The following LRRC34 variants were observed in gnomAD, a reference collection of about 807,000 sequenced individuals.
The protein encoded by LRRC34 is leucine-rich repeat-containing protein 34.
A neutral mutation model predicts 48.5 loss-of-function variants in LRRC34; 44 were observed. The observed-to-expected ratio is 0.91, with a 90% confidence interval of 0.71 to 1.17. The LOEUF (loss-of-function observed/expected upper bound fraction) is 1.17, where lower values mean the gene tolerates loss of function less well. Among genes scored for constraint, LRRC34 ranks in the 50% most tolerant of loss-of-function variants. LRRC34 has a pLI of 0.00. For missense variants in LRRC34, 502 were observed against 563.0 expected, an observed-to-expected ratio of 0.89 and a Z score of 1.10; for synonymous variants, 192 against 197.6, an observed-to-expected ratio of 0.97 and a Z score of 0.24.
intron 7 of LRRC34, among the ~76,000 whole-genome samples, chr3:169,799,784 C>T (rs1198306225): frequency 6.6e-6 from 1 of 152,228 alleles, no homozygotes; most frequent in East Asian, 1.9e-4. Flanking sequence ...GCAATCTCGG[C>T]TCACTGCAAC....
rs750780686 is a variant in LRRC34, at chr3:169,807,481, A to C, written c.389T>G (p.Val130Gly). 4 of 1,614,038 alleles carry C rather than the reference A, an allele frequency of 2.5e-6. No homozygotes were observed. Among genetic ancestry groups the C allele is most frequent in the Middle Eastern group, 1.7e-4 (1 of 6,056 alleles). ...KNCLYINGLDVGYNLLCDVGA... is the reference protein window; with the variant it reads ...KNCLYINGLDGGYNLLCDVGA... ...AACATCACATAGAAGGTTATATCCA[A>C]CATCCAAACCTGAAGCACAGATGAA... is the stretch of plus-strand genomic sequence containing the variant. The change falls in exon 4 of 11, where the codon GTT (valine) becomes GGT (glycine). Residue 130 changes from valine (V) to glycine (G), a missense_variant. Val to Gly is a moderately radical substitution (Grantham distance 109). Coordinates refer to ENST00000446859, the MANE Select transcript of LRRC34 (RefSeq NM_001172779.2).
At chr3:169,810,355 T>G (rs1037780076) in intron 1 of LRRC34, among the ~76,000 whole-genome samples, 1 of 152,252 alleles carries the variant, frequency 6.6e-6, no homozygotes, top group Non-Finnish European at 1.5e-5. Flanking sequence ...TATATGCATA[T>G]TAAGTATTTT....
rs150153057 is a variant in LRRC34 at position 169,812,063 on chromosome 3, A to G, written c.139+347T>C. 6.1e-3 allele frequency among the ~76,000 whole-genome samples: 928 copies of G among 152,174 alleles called. 22 individuals are homozygous for G. The highest frequency in any genetic ancestry group is 0.059 in the East Asian group (301 of 5,122). ...TGACCTGCTCTCTGGGACTTTCACA[A>G]AAAGGGGGCTGAGAAGAGCCCCCCC... On this transcript the variant is annotated intron_variant, in intron 1 of 10. Coordinates refer to ENST00000446859, the MANE Select transcript of LRRC34 (RefSeq NM_001172779.2). This position sits in a 1 kb window ranked among gnomAD's most constrained non-coding sequence, Gnocchi z 4.3.
Position 169,806,942 on chromosome 3 carries a change from AAAG to A in LRRC34, c.445-14_445-12del. 1 of 1,510,432 alleles carries A rather than the reference AAAG, an allele frequency of 6.6e-7. No individual in the cohort carries two copies. Among genetic ancestry groups the A allele is most frequent in the Non-Finnish European group, 9.2e-7 (1 of 1,089,204 alleles). The allele number at this position is 1,510,432 out of a possible 1,614,324, so 93.6% of individuals were successfully genotyped here. On this transcript the variant is annotated splice_polypyrimidine_tract_variant and intron_variant, in intron 4 of 10. Transcript: ENST00000446859. ...GAGATTAAGTTGTTTCTATAAGAGA[AAAG>A]AAGCTATTACACATTATTATTATTG...
chr3:169,796,436 C>T, intron 8 of LRRC34, 67 bp from the exon 9 acceptor site: 1 of 1,508,914 alleles, frequency 6.6e-7, no homozygotes, highest in South Asian at 1.3e-5. Context: ...TGATAAGATG[C>T]TTGAAAACTT....
intron 7 of LRRC34, 55 bp downstream of exon 7, chr3:169,800,604 G>C: frequency 9.2e-7 from 1 of 1,081,388 alleles, no homozygotes; most frequent in Non-Finnish European, 1.3e-6. Flanking sequence ...ACTTGTAGTA[G>C]TACCTTAGTT....
At position 169,795,423 on chromosome 3, in the gene LRRC34, T is replaced by C. The variant is rs1576730888; in HGVS notation, c.1191+62A>G. Reference sequence around the variant, plus strand: ...ATTTCTGAGGCACCTGTAAATAATATCTGATGTTACAGAGATGATCCCAGA... The same window carrying C: ...ATTTCTGAGGCACCTGTAAATAATACCTGATGTTACAGAGATGATCCCAGA... On this transcript the variant is annotated intron_variant, in intron 10 of 10. Transcript: ENST00000446859. 11 of 1,506,534 alleles carry C rather than the reference T, an allele frequency of 7.3e-6. No individual in the cohort carries two copies. The East Asian group carries it at 2.5e-4, about 35-fold the overall frequency. The allele number at this position is 1,506,534 out of a possible 1,614,324, so 93.3% of individuals were successfully genotyped here.
rs1779030239 is a variant in LRRC34 at position 169,797,317 on chromosome 3, G to A, written c.754-418C>T. On this transcript the variant is annotated intron_variant, in intron 7 of 10. Coordinates refer to ENST00000446859, the MANE Select transcript of LRRC34 (RefSeq NM_001172779.2). ...TTTGCTCTTGATCTCTACTCTTGAT[G>A]GTTTTCAGACAAAATACAAAGACAT... is the stretch of plus-strand genomic sequence containing the variant. Among the ~76,000 whole-genome samples, 9 of 152,150 alleles carry A rather than the reference G, an allele frequency of 5.9e-5. No homozygotes were observed. In the South Asian group the frequency reaches 1.9e-3, roughly 32 times the overall value.
chr3:169,793,964 A>T (rs1475269944), intron 10 of LRRC34, 126 bp from the exon 11 acceptor site: 1 of 591,258 alleles, frequency 1.7e-6, no homozygotes, highest in African/African-American at 1.9e-5. Flanking sequence ...ATTCTGAATA[A>T]CATTGCTGAA....
chr3:169,796,604 T>A, intron 8 of LRRC34, 141 bp downstream of exon 8: 1 of 998,896 alleles, frequency 1.0e-6, no homozygotes, highest in Non-Finnish European at 1.4e-6. Context: ...TATTAAAGCT[T>A]AGGACAAAGG....
At chr3:169,810,933 G>A (rs1380625642) in intron 1 of LRRC34, among the ~76,000 whole-genome samples, 1 of 152,200 alleles carries the variant, frequency 6.6e-6, no homozygotes, top group Admixed American at 6.5e-5. Context: ...GTGTGGTGGC[G>A]CATGCCTGTA....
rs6793295 is a variant in LRRC34, at chr3:169,800,667, T to G, written c.745A>C (p.Ser249Arg). The G allele has an allele frequency of 4.1e-4, 622 of 1,527,398 alleles. No individual in the cohort carries two copies. The highest frequency in any genetic ancestry group is 5.2e-4 in the Non-Finnish European group (597 of 1,140,902). The allele number at this position is 1,527,398 out of a possible 1,614,324, so 94.6% of individuals were successfully genotyped here. ...AINLNRPILY[S>R]EQEESTVHVG... The stretch of plus-strand genomic sequence containing the variant: ...TCACTTTGAATACATACCTGTTCAC[T>G]GTACAGTATAGGTCGGTTTAGGTTT... The change falls in exon 7 of 11, where the codon AGT becomes CGT. Residue 249 changes from serine (S) to arginine (R), a missense_variant. Physicochemically the swap from Ser to Arg is moderately radical, Grantham distance 110. Transcript: ENST00000446859.
rs6793295 is a variant in LRRC34 at position 169,800,667 on chromosome 3, T to C, written c.745A>G (p.Ser249Gly). 450,796 of 1,524,046 alleles carry C rather than the reference T, an allele frequency of 0.3. 73,257 individuals carry two copies. The highest frequency in any genetic ancestry group is 0.71 in the East Asian group (28,873 of 40,688). The allele number at this position is 1,524,046 out of a possible 1,614,324, so 94.4% of individuals were successfully genotyped here. A position where few individuals can be genotyped will look rare whatever the true frequency, so the allele number is the denominator to read the frequency against. Residue 249 changes from serine to glycine, a missense_variant, in exon 7 of 11, where the codon AGT becomes GGT. Coordinates refer to ENST00000446859, the MANE Select transcript of LRRC34 (RefSeq NM_001172779.2). ...TCACTTTGAATACATACCTGTTCACTGTACAGTATAGGTCGGTTTAGGTTT... is the reference window on the plus strand; with the variant it reads ...TCACTTTGAATACATACCTGTTCACCGTACAGTATAGGTCGGTTTAGGTTT... ...AINLNRPILY[S>G]EQEESTVHVG...
chr3:169,805,828 G>A (rs1779350231), intron 5 of LRRC34, among the ~76,000 whole-genome samples: 1 of 145,736 alleles, frequency 6.9e-6, no homozygotes, highest in African/African-American at 2.6e-5. Context: ...AGGTTGTGGT[G>A]AGCCAAAATC....
intron 10 of LRRC34, 131 bp downstream of exon 10, chr3:169,795,354 G>A (rs774267839): frequency 7.3e-5 from 67 of 915,268 alleles, no homozygotes; most frequent in Non-Finnish European, 9.7e-5. Context: ...TTAATTTTAA[G>A]ACTTATGTTA....
chr3:169,812,734 G>A lies in LRRC34; in HGVS notation c.-186C>T, dbSNP rs1779647466. On this transcript the variant is annotated 5_prime_UTR_variant, in exon 1 of 11. Transcript: ENST00000446859. This position sits in a 1 kb window ranked among gnomAD's most constrained non-coding sequence, Gnocchi z 4.3. Reference sequence around the variant, plus strand: ...TGCCCTGGTTAAAGGCAGCCTGAGGGAGGGCGTCCTGGCTCCTTTGCAGGG... The same window carrying A: ...TGCCCTGGTTAAAGGCAGCCTGAGGAAGGGCGTCCTGGCTCCTTTGCAGGG... The A allele has an allele frequency of 1.2e-6, 1 of 839,818 alleles. No homozygotes were observed. Among genetic ancestry groups the A allele is most frequent in the Non-Finnish European group, 1.7e-6 (1 of 592,574 alleles). 52.0% of individuals were successfully genotyped at this position (839,818 alleles called of 1,614,324 possible).
At chr3:169,800,419 G>C (rs1176528388) in intron 7 of LRRC34, among the ~76,000 whole-genome samples, 1 of 152,144 alleles carries the variant, frequency 6.6e-6, no homozygotes, top group East Asian at 1.9e-4. Flanking sequence ...TGAGTTTCAA[G>C]AGAAAAGATG....
Position 169,812,453 on chromosome 3 carries a change from G to A in LRRC34, c.96C>T (p.Ser32=). 2 of 1,531,708 alleles carry A rather than the reference G, an allele frequency of 1.3e-6. No individual in the cohort carries two copies. Among genetic ancestry groups the A allele is most frequent in the East Asian group, 2.5e-5 (1 of 40,108 alleles). The allele number at this position is 1,531,708 out of a possible 1,614,324, so 94.9% of individuals were successfully genotyped here. Residue 32 remains serine, a synonymous_variant, in exon 1 of 11, where the codon TCC becomes TCT. Transcript: ENST00000446859. This position sits in a 1 kb window ranked among gnomAD's most constrained non-coding sequence, Gnocchi z 4.3. The part of the protein sequence containing the change: ...RAPARSPAWA[S]TQASTPGAAL... ...CCGCGCCCGGAGTACTGGCCTGAGTGGAGGCCCAAGCCGGGGACCTGGCCG... is the reference window on the plus strand; with the variant it reads ...CCGCGCCCGGAGTACTGGCCTGAGTAGAGGCCCAAGCCGGGGACCTGGCCG...
intron 6 of LRRC34, among the ~76,000 whole-genome samples, chr3:169,801,139 C>T (rs150319989): frequency 4.6e-4 from 70 of 152,212 alleles, no homozygotes; most frequent in African/African-American, 1.3e-3. Context: ...AGTGTGTGTG[C>T]GGTGGGAAAA....
Sources: gnomAD v4.1 joint callset for allele counts (sites outside exome capture counted in the v4.1 genomes callset) on GRCh38, gnomAD v4.1.1 for gene constraint, Gnocchi (gnomAD v3.1) non-coding constraint, MANE v1.5 for transcripts, NCBI Gene and HGNC (gene_info 2026-07-23, HGNC 2026-07-21) for gene names.